Variants in RAB3C observed in about 807,000 individuals in gnomAD.
RAB3C encodes RAB3C, member RAS oncogene family.
Under a neutral mutation model 26.4 loss-of-function variants are expected in RAB3C, and 17 were observed. That is an observed-to-expected ratio of 0.64 (90% confidence interval 0.44 to 0.97). The LOEUF is 0.97. RAB3C is among the 50% of genes least tolerant of loss of function. RAB3C has a pLI of 0.00. For synonymous variants in RAB3C, 91 were observed against 95.9 expected, an observed-to-expected ratio of 0.95 and a Z score of 0.30; for missense variants, 242 against 281.9, an observed-to-expected ratio of 0.86 and a Z score of 1.01.
chr5:58,649,863 G>T (rs1561278473), intron 2 of RAB3C, among the ~76,000 whole-genome samples: 2 of 152,138 alleles, frequency 1.3e-5, no homozygotes, highest in African/African-American at 4.8e-5. Context: ...ATCACAGACA[G>T]CACATTTGCC....
At chr5:58,596,868 T>TATAATATATAA (rs1746288641) in intron 1 of RAB3C, among the ~76,000 whole-genome samples, 1 of 48,004 alleles carries the variant, frequency 2.1e-5, no homozygotes, top group Non-Finnish European at 3.9e-5. Flanking sequence ...TATAATATTA[T>TATAATATATAA]ATTTAATATA....
rs114139501 is a variant in RAB3C, at chr5:58,595,246, T to C, written c.24+12014T>C. ...TGCTTGCAGTGAGTTATATCACTGG[T>C]CCTCAGAAGGTTCTGGCTTTTACCA... is the stretch of plus-strand genomic sequence containing the variant. On this transcript the variant is annotated intron_variant, in intron 1 of 4. Transcript: ENST00000282878. 4.4e-3 allele frequency among the ~76,000 whole-genome samples: 677 copies of C among 152,282 alleles called. 5 individuals are homozygous for C. Among genetic ancestry groups the C allele is most frequent in the African/African-American group, 0.015 (618 of 41,556 alleles).
intron 2 of RAB3C, among the ~76,000 whole-genome samples, chr5:58,708,814 G>A (rs1334691147): frequency 6.6e-6 from 1 of 152,128 alleles, no homozygotes; most frequent in Non-Finnish European, 1.5e-5. Context: ...GGTCTACTTG[G>A]TTTATTTGTG....
intron 3 of RAB3C, among the ~76,000 whole-genome samples, chr5:58,728,206 C>G (rs1367665334): frequency 1.3e-5 from 2 of 151,996 alleles, no homozygotes; most frequent in African/African-American, 4.8e-5. Flanking sequence ...ACTTATTGAG[C>G]ACCTAACTTT....
rs142636651 is a variant in RAB3C, at chr5:58,791,053, A to G, written c.372-33985A>G. On this transcript the variant is annotated intron_variant, in intron 3 of 4. Transcript: ENST00000282878. ...TTATGAGTAATAAGTCTGGCTACATATAATTTTTGACATTAAAAAAAAAAA... is the reference window on the plus strand; with the variant it reads ...TTATGAGTAATAAGTCTGGCTACATGTAATTTTTGACATTAAAAAAAAAAA... Among the ~76,000 whole-genome samples, 124 of 123,910 alleles carry G rather than the reference A, an allele frequency of 1.0e-3. 1 individual carries two copies. Among genetic ancestry groups the G allele is most frequent in the African/African-American group, 3.4e-3 (116 of 33,990 alleles). The allele number at this position is 123,910 out of a possible 152,430, so 81.3% of individuals were successfully genotyped here.
intron 3 of RAB3C, among the ~76,000 whole-genome samples, chr5:58,762,674 A>G (rs1297139257): frequency 1.3e-5 from 2 of 152,316 alleles, no homozygotes; most frequent in East Asian, 3.9e-4. Context: ...CTGGGCGACA[A>G]GAGTGAAACT....
At chr5:58,630,487 A>G (rs1334313256) in intron 2 of RAB3C, among the ~76,000 whole-genome samples, 3 of 152,256 alleles carry the variant, frequency 2.0e-5, no homozygotes, top group Non-Finnish European at 4.4e-5. Context: ...ATTTTAATGA[A>G]AAATAACTGC....
chr5:58,697,495 G>A (rs751107791), intron 2 of RAB3C, among the ~76,000 whole-genome samples: 5 of 152,226 alleles, frequency 3.3e-5, no homozygotes, highest in Non-Finnish European at 7.4e-5. Flanking sequence ...CTTCTGTCTC[G>A]TTGATCTGCC....
chr5:58,832,817 T>C (rs1743644221), intron 4 of RAB3C, among the ~76,000 whole-genome samples: 1 of 152,146 alleles, frequency 6.6e-6, no homozygotes, highest in Admixed American at 6.5e-5. Flanking sequence ...TGACATCATA[T>C]ATCATGGAGA....
intron 2 of RAB3C, among the ~76,000 whole-genome samples, chr5:58,716,289 G>A (rs1342083874): frequency 4.6e-5 from 7 of 151,968 alleles, no homozygotes; most frequent in East Asian, 1.9e-4. Context: ...TTGAAATAAC[G>A]AAGCTGAAAA....
At chr5:58,650,614 T>C (rs1400013249) in intron 2 of RAB3C, among the ~76,000 whole-genome samples, 1 of 152,188 alleles carries the variant, frequency 6.6e-6, no homozygotes, top group Non-Finnish European at 1.5e-5. Flanking sequence ...CATACCTCAG[T>C]TTATCAGCTT....
chr5:58,776,249 A>G (rs1179351377), intron 3 of RAB3C, among the ~76,000 whole-genome samples: 1 of 151,940 alleles, frequency 6.6e-6, no homozygotes, highest in Non-Finnish European at 1.5e-5. Flanking sequence ...CTAGATCATA[A>G]ATTGGATTTT....
chr5:58,733,891 T>A (rs1741081152), intron 3 of RAB3C, among the ~76,000 whole-genome samples: 1 of 152,218 alleles, frequency 6.6e-6, no homozygotes, highest in Non-Finnish European at 1.5e-5. Flanking sequence ...TTTTAACATC[T>A]TTCTGTTCTA....
At chr5:58,800,223 A>AACT (rs971318109) in intron 3 of RAB3C, among the ~76,000 whole-genome samples, 17 of 152,336 alleles carry the variant, frequency 1.1e-4, no homozygotes, top group African/African-American at 4.1e-4. Context: ...TCATAAAGCA[A>AACT]ACTCATTCTT....
At chr5:58,805,817 T>C (rs1038109286) in intron 3 of RAB3C, among the ~76,000 whole-genome samples, 6 of 151,892 alleles carry the variant, frequency 4.0e-5, no homozygotes, top group Non-Finnish European at 8.8e-5. Flanking sequence ...CTACAAAGTA[T>C]ATCACCCTGA....
At chr5:58,810,381 CTCTCTG>C (rs1317889669) in intron 3 of RAB3C, among the ~76,000 whole-genome samples, 1 of 149,556 alleles carries the variant, frequency 6.7e-6, no homozygotes, top group Admixed American at 6.7e-5. Flanking sequence ...CTCTCTCTCT[CTCTCTG>C]TGTGTGTGTG....
At chr5:58,615,985 G>GGC (rs71604753) in intron 1 of RAB3C, among the ~76,000 whole-genome samples, 1 of 149,536 alleles carries the variant, frequency 6.7e-6, no homozygotes, top group Non-Finnish European at 1.5e-5. Context: ...CACACACACA[G>GGC]ACACACACAC....
chr5:58,633,452 A>G (rs1747227375), intron 2 of RAB3C, among the ~76,000 whole-genome samples: 1 of 152,212 alleles, frequency 6.6e-6, no homozygotes, highest in Non-Finnish European at 1.5e-5. Flanking sequence ...ACTCTAACAT[A>G]ACTTGTGTAT....
chr5:58,697,427 T>C (rs1748738124), intron 2 of RAB3C, among the ~76,000 whole-genome samples: 1 of 152,194 alleles, frequency 6.6e-6, no homozygotes, highest in Non-Finnish European at 1.5e-5. Context: ...GTTTTGTAGA[T>C]GTCTATTAGG....
Sources: gnomAD v4.1 joint callset for allele counts (sites outside exome capture counted in the v4.1 genomes callset) on GRCh38, gnomAD v4.1.1 for gene constraint, MANE v1.5 for transcripts, NCBI Gene and HGNC (gene_info 2026-07-23, HGNC 2026-07-21) for gene names.